The following MTUS2 variants were observed in gnomAD, a reference collection of about 807,000 sequenced individuals.
MTUS2 encodes the protein microtubule-associated tumor suppressor candidate 2.
Under a neutral mutation model 114.1 loss-of-function variants are expected in MTUS2, and 40 were observed. The observed-to-expected ratio is 0.35, with a 90% CI of 0.27 to 0.46. The LOEUF is 0.46. Among genes scored for constraint, MTUS2 ranks in the 20% least tolerant of loss-of-function variants. MTUS2 has a pLI of 1.00. For synonymous variants in MTUS2, 688 were observed against 672.0 expected, an observed-to-expected ratio of 1.02 and a Z score of -0.37; for missense variants, 1,679 against 1,705.4, an observed-to-expected ratio of 0.98 and a Z score of 0.27.
At chr13:29,428,960 AG>A in intron 8 of MTUS2, 1 of 1,552,202 alleles carries the variant, frequency 6.4e-7, no homozygotes, top group African/African-American at 1.4e-5. Context: ...GAAAGCCGTG[AG>A]CCAGCCACCT....
chr13:29,116,540 A>G (rs1450997147), intron 5 of MTUS2, among the ~76,000 whole-genome samples: 3 of 152,222 alleles, frequency 2.0e-5, no homozygotes, highest in Non-Finnish European at 4.4e-5. Flanking sequence ...CTATACATAC[A>G]TACCTAGGAT....
chr13:29,311,602 T>C (rs1384982278), intron 6 of MTUS2, among the ~76,000 whole-genome samples: 1 of 152,190 alleles, frequency 6.6e-6, no homozygotes, highest in East Asian at 1.9e-4. Flanking sequence ...AAATAACTTA[T>C]CTTAATACTT....
intron 5 of MTUS2, among the ~76,000 whole-genome samples, chr13:29,130,679 G>A (rs1891723958): frequency 6.6e-6 from 1 of 152,044 alleles, no homozygotes; most frequent in Admixed American, 6.6e-5. Flanking sequence ...AGGCCGGAGT[G>A]CAATGGTGTG....
chr13:29,352,767 G>A (rs940250990), intron 7 of MTUS2, among the ~76,000 whole-genome samples: 7 of 152,224 alleles, frequency 4.6e-5, no homozygotes, highest in African/African-American at 1.7e-4. Flanking sequence ...GGACATTTTG[G>A]TTGTTTCACT....
Position 28,845,064 on chromosome 13 carries a change from TC to T in MTUS2, c.-243+5217del, listed in dbSNP as rs1254522858. ...TTGAACTCCTGAGCTCAAGCAGTCC[TC>T]CCATCTCAGGCTTTTGAAGCTAAGA... On this transcript the variant is annotated intron_variant, in intron 2 of 15. Transcript: ENST00000612955. Among the ~76,000 whole-genome samples the T allele has an allele frequency of 2.0e-5, 3 of 152,094 alleles. No homozygotes were observed. The East Asian group carries it at 5.8e-4, about 29-fold the overall frequency.
At position 29,309,061 on chromosome 13, in the gene MTUS2, C is replaced by A. The variant is rs138156438; in HGVS notation, c.2807-15552C>A. On this transcript the variant is annotated intron_variant, in intron 6 of 15. Coordinates refer to ENST00000612955, the MANE Select transcript of MTUS2 (RefSeq NM_001033602.4). ...GAGGCAGAAATACCATTTGACCCGG[C>A]AATCCCATTACTATATGTATACCCA... Among the ~76,000 whole-genome samples the A allele has an allele frequency of 9.9e-3, 1,510 of 152,272 alleles. 25 individuals are homozygous for A. The highest frequency in any genetic ancestry group is 0.035 in the African/African-American group (1,449 of 41,526).
intron 5 of MTUS2, among the ~76,000 whole-genome samples, chr13:29,117,866 A>T (rs1163800443): frequency 1.3e-5 from 2 of 152,150 alleles, no homozygotes; most frequent in Non-Finnish European, 2.9e-5. Context: ...GCGCCAACAC[A>T]GGAGACTTCT....
intron 5 of MTUS2, among the ~76,000 whole-genome samples, chr13:29,171,428 TTAC>T (rs1893558955): frequency 6.6e-6 from 1 of 152,146 alleles, no homozygotes; most frequent in Admixed American, 6.5e-5. Flanking sequence ...GTACCGGAAC[TTAC>T]TTTCCTGAGT....
At chr13:29,386,419 C>G (rs992629572) in intron 8 of MTUS2, among the ~76,000 whole-genome samples, 1 of 152,136 alleles carries the variant, frequency 6.6e-6, no homozygotes, top group East Asian at 1.9e-4. Context: ...GAAGGTAGGA[C>G]AGGGTGATCA....
chr13:29,374,978 G>A (rs541055703), intron 8 of MTUS2, among the ~76,000 whole-genome samples: 1 of 152,190 alleles, frequency 6.6e-6, no homozygotes, highest in African/African-American at 2.4e-5. Context: ...ATAAAGAAAA[G>A]CTAAAAGAAT....
chr13:29,084,500 T>C (rs1889583542), intron 4 of MTUS2, among the ~76,000 whole-genome samples: 16 of 151,442 alleles, frequency 1.1e-4, no homozygotes, highest in Admixed American at 1.1e-3. Context: ...GGTCTCTTTC[T>C]CTTTTTCCTT....
intron 9 of MTUS2, among the ~76,000 whole-genome samples, chr13:29,442,053 A>G (rs1410125195): frequency 6.6e-6 from 1 of 152,186 alleles, no homozygotes; most frequent in African/African-American, 2.4e-5. Flanking sequence ...CCTTCAGGTC[A>G]GTTCCCAGGG....
At chr13:29,171,741 T>G (rs1893570957) in intron 5 of MTUS2, among the ~76,000 whole-genome samples, 2 of 152,226 alleles carry the variant, frequency 1.3e-5, no homozygotes, top group Non-Finnish European at 1.5e-5. Flanking sequence ...GGACCCAAGC[T>G]CCTTCTATTA....
intron 2 of MTUS2, among the ~76,000 whole-genome samples, chr13:28,978,397 T>G (rs894156179): frequency 6.6e-6 from 1 of 152,176 alleles, no homozygotes; most frequent in Admixed American, 6.5e-5. Context: ...AATGCAAACT[T>G]TGACTATTAG....
chr13:28,966,856 G>A lies in MTUS2; in HGVS notation c.-242-57601G>A, dbSNP rs1393927711. ...ATAATACCCATTTTGAAATATTAAG[G>A]AAGTTTACAATTGTACAGTGTTTCT... On this transcript the variant is annotated intron_variant, in intron 2 of 15. Coordinates refer to ENST00000612955, the MANE Select transcript of MTUS2 (RefSeq NM_001033602.4). Among the ~76,000 whole-genome samples the A allele has an allele frequency of 2.6e-5, 4 of 152,060 alleles. No individual in the cohort carries two copies. The South Asian group carries it at 6.2e-4, about 24-fold the overall frequency.
At chr13:28,987,299 C>T (rs1440141129) in intron 2 of MTUS2, among the ~76,000 whole-genome samples, 2 of 152,118 alleles carry the variant, frequency 1.3e-5, no homozygotes, top group East Asian at 3.9e-4. Flanking sequence ...ACAGAGGCTC[C>T]AGAAGGATGC....
In MTUS2 at chr13:28,956,862, G is replaced by C. The variant is rs146583792; in HGVS notation, c.-242-67595G>C. Among the ~76,000 whole-genome samples, 198 of 151,828 alleles carry C rather than the reference G, an allele frequency of 1.3e-3. 1 individual carries two copies. Among genetic ancestry groups the C allele is most frequent in the African/African-American group, 4.7e-3 (195 of 41,368 alleles). On this transcript the variant is annotated intron_variant, in intron 2 of 15. Transcript: ENST00000612955. ...AGGGAAGAAGGCTGCCCTAGAGATGGGTGAGCTGGTGGAAAGAAAGTGTGA... is the reference window on the plus strand; with the variant it reads ...AGGGAAGAAGGCTGCCCTAGAGATGCGTGAGCTGGTGGAAAGAAAGTGTGA...
chr13:28,823,327 T>C (rs978847699), intron 1 of MTUS2, among the ~76,000 whole-genome samples: 9 of 152,214 alleles, frequency 5.9e-5, no homozygotes, highest in Non-Finnish European at 1.5e-5. Flanking sequence ...TTAGCAGTTT[T>C]TATGAGCAAG....
intron 8 of MTUS2, among the ~76,000 whole-genome samples, chr13:29,391,329 A>C (rs113748714): frequency 0.039 from 5,885 of 152,202 alleles, 402 homozygotes; most frequent in African/African-American, 0.13. Flanking sequence ...TCTGAGAACT[A>C]TCTGAGGGGC....
Sources: gnomAD v4.1 joint callset for allele counts (sites outside exome capture counted in the v4.1 genomes callset) on GRCh38, gnomAD v4.1.1 for gene constraint, MANE v1.5 for transcripts, NCBI Gene and HGNC (gene_info 2026-07-23, HGNC 2026-07-21) for gene names.